Variants in SENP7 observed in about 807,000 individuals in gnomAD.
The protein encoded by SENP7 is sentrin-specific protease 7.
In SENP7, 64 loss-of-function variants were observed where a neutral mutation model predicts 141.2. The ratio of observed to expected loss-of-function variants is 0.45; its 90% CI spans 0.37 to 0.56. The LOEUF is 0.56. SENP7 is among the 20% of genes least tolerant of loss of function. The probability of loss-of-function intolerance (pLI) is 0.00; values close to 1 mark genes in which losing one functional copy is unlikely to be tolerated. For synonymous variants in SENP7, 382 were observed against 426.4 expected (o/e 0.90, Z 1.28); for missense variants, 1,025 against 1,212.2 (o/e 0.85, Z 2.29).
chr3:101,463,364 A>AATAAATATATAT (rs1553744606), intron 3 of SENP7, among the ~76,000 whole-genome samples: 24 of 89,206 alleles, frequency 2.7e-4, no homozygotes, highest in Non-Finnish European at 4.7e-4. Flanking sequence ...TAAATAAATA[A>AATAAATATATAT]ATATATATAT....
intron 17 of SENP7, among the ~76,000 whole-genome samples, chr3:101,334,550 G>C (rs1034136447): frequency 2.6e-5 from 4 of 152,124 alleles, no homozygotes; most frequent in Non-Finnish European, 5.9e-5. Flanking sequence ...GAGTAACATA[G>C]GATCCAGAAT....
At chr3:101,441,710 A>G (rs974448374) in intron 4 of SENP7, among the ~76,000 whole-genome samples, 3 of 151,214 alleles carry the variant, frequency 2.0e-5, no homozygotes, top group African/African-American at 4.9e-5. Context: ...ACCCTAACCC[A>G]TGTTACCACC....
intron 3 of SENP7, among the ~76,000 whole-genome samples, chr3:101,474,731 G>C (rs572797419): frequency 6.6e-6 from 1 of 152,200 alleles, no homozygotes; most frequent in African/African-American, 2.4e-5. Flanking sequence ...TAAGAGTGAT[G>C]ACAGTGGGCA....
chr3:101,493,678 T>C (rs774587801), intron 3 of SENP7, among the ~76,000 whole-genome samples, 195 bp downstream of exon 3: 4 of 152,154 alleles, frequency 2.6e-5, no homozygotes, highest in African/African-American at 4.8e-5. Flanking sequence ...TAATTATATA[T>C]ACATAGTTTT....
chr3:101,363,867 C>A (rs1362536034), intron 10 of SENP7, among the ~76,000 whole-genome samples: 2 of 152,194 alleles, frequency 1.3e-5, no homozygotes, highest in Non-Finnish European at 2.9e-5. Context: ...TACCATAATT[C>A]TGCACTGGTG....
intron 11 of SENP7, 116 bp downstream of exon 11, chr3:101,361,599 C>T (rs997031025): frequency 2.8e-5 from 31 of 1,104,480 alleles, no homozygotes; most frequent in Non-Finnish European, 3.1e-5. Context: ...TCCAAAGTGT[C>T]CCATATAAAA....
At chr3:101,496,274 G>A (rs1016334335) in intron 2 of SENP7, among the ~76,000 whole-genome samples, 3 of 151,912 alleles carry the variant, frequency 2.0e-5, no homozygotes, top group Non-Finnish European at 2.9e-5. Context: ...TTATTTATTC[G>A]AGACAGGGTC....
chr3:101,374,107 A>C (rs2060252926), intron 6 of SENP7, among the ~76,000 whole-genome samples: 2 of 152,222 alleles, frequency 1.3e-5, no homozygotes, highest in Non-Finnish European at 2.9e-5. Flanking sequence ...AAAGAGAGAC[A>C]TATCGACCAT....
intron 11 of SENP7, among the ~76,000 whole-genome samples, chr3:101,360,557 A>C (rs1439838449): frequency 1.3e-5 from 2 of 152,202 alleles, no homozygotes; most frequent in African/African-American, 4.8e-5. Context: ...ATATGAATGA[A>C]ACTGCTATAA....
intron 3 of SENP7, among the ~76,000 whole-genome samples, chr3:101,469,287 C>A (rs1472165680): frequency 6.6e-6 from 1 of 152,032 alleles, no homozygotes; most frequent in East Asian, 1.9e-4. Flanking sequence ...GACTTACACC[C>A]CCACACAACA....
At chr3:101,394,084 AT>A (rs2060892528) in intron 6 of SENP7, among the ~76,000 whole-genome samples, 1 of 151,978 alleles carries the variant, frequency 6.6e-6, no homozygotes, top group Non-Finnish European at 1.5e-5. Context: ...CATTAACCAA[AT>A]TCTCTCCATT....
chr3:101,416,689 A>G (rs528676208), intron 5 of SENP7, among the ~76,000 whole-genome samples: 7 of 152,330 alleles, frequency 4.6e-5, no homozygotes, highest in African/African-American at 1.4e-4. Flanking sequence ...TGTCTTTTTA[A>G]AAGAAGTATT....
chr3:101,486,445 G>C (rs966836217), intron 3 of SENP7, among the ~76,000 whole-genome samples: 2 of 152,264 alleles, frequency 1.3e-5, no homozygotes, highest in East Asian at 3.9e-4. Context: ...GGGAATTGGG[G>C]CTATCTTCAG....
At chr3:101,407,735 T>G (rs900003306) in intron 5 of SENP7, among the ~76,000 whole-genome samples, 2 of 152,112 alleles carry the variant, frequency 1.3e-5, no homozygotes, top group African/African-American at 4.8e-5. Context: ...CTTTTCCAAC[T>G]GAACAACAAT....
chr3:101,372,251 T>C (rs1473036329), intron 6 of SENP7, 125 bp from the exon 7 acceptor site: 2 of 449,392 alleles, frequency 4.5e-6, no homozygotes, highest in Non-Finnish European at 8.0e-6. Context: ...CTATAAGATC[T>C]GGGTAGTAAA....
chr3:101,474,657 T>G (rs1161227329), intron 3 of SENP7, among the ~76,000 whole-genome samples: 1 of 152,130 alleles, frequency 6.6e-6, no homozygotes, highest in Non-Finnish European at 1.5e-5. Flanking sequence ...TCTTCCTATT[T>G]AGGTCCCTTT....
At chr3:101,497,328 G>T (rs2065196087) in intron 2 of SENP7, among the ~76,000 whole-genome samples, 1 of 152,100 alleles carries the variant, frequency 6.6e-6, no homozygotes, top group Non-Finnish European at 1.5e-5. Flanking sequence ...TGTTGAGAAA[G>T]CCTAAAAACA....
intron 22 of SENP7, 150 bp downstream of exon 22, chr3:101,328,328 G>T: frequency 1.8e-6 from 1 of 560,022 alleles, no homozygotes; most frequent in Non-Finnish European, 3.2e-6. Context: ...CAGAATAGAA[G>T]ATATTTATTA....
chr3:101,391,883 T>C (rs1409757210), intron 6 of SENP7, among the ~76,000 whole-genome samples: 4 of 152,142 alleles, frequency 2.6e-5, no homozygotes, highest in Non-Finnish European at 4.4e-5. Flanking sequence ...TAATGCACCA[T>C]GATCAAGTGA....
Sources: allele counts gnomAD v4.1 joint callset (sites outside exome capture counted in the v4.1 genomes callset), GRCh38; gene constraint gnomAD v4.1.1; transcripts MANE v1.5; gene names NCBI Gene and HGNC (gene_info 2026-07-23, HGNC 2026-07-21).